ZP3: variants seen among roughly 807,000 people sequenced by gnomAD.
ZP3 encodes the protein zona pellucida glycoprotein 3.
In ZP3, 21 loss-of-function variants were observed where a neutral mutation model predicts 35.6. That is an observed-to-expected ratio of 0.59 (90% CI 0.42 to 0.85). The LOEUF is 0.85. ZP3 is among the 40% of genes least tolerant of loss of function. The probability of loss-of-function intolerance (pLI) is 0.00; values close to 1 mark genes in which losing one functional copy is unlikely to be tolerated. For synonymous variants in ZP3, 207 were observed against 214.5 expected (o/e 0.96, Z 0.31); for missense variants, 437 against 536.5 (o/e 0.81, Z 1.83).
chr7:76,405,148 G>GGCT (rs1804957993), intron 1 of ZP3, among the ~76,000 whole-genome samples: 1 of 143,946 alleles, frequency 6.9e-6, no homozygotes, highest in Non-Finnish European at 1.5e-5. Context: ...TCTGTGGCCA[G>GGCT]GCTGGAGTGT....
chr7:76,400,872 G>C (rs1804801577), intron 1 of ZP3: 1 of 1,262,336 alleles, frequency 7.9e-7, no homozygotes, highest in African/African-American at 1.5e-5. Context: ...AAAATGGGGA[G>C]ACTACAGCTC....
chr7:76,424,049 C>G (rs1488226239), upstream of ZP3, among the ~76,000 whole-genome samples: 1 of 152,020 alleles, frequency 6.6e-6, no homozygotes, highest in Non-Finnish European at 1.5e-5. Flanking sequence ...AGGCAGAGAC[C>G]CATGAAATTC....
intron 1 of ZP3, among the ~76,000 whole-genome samples, chr7:76,412,310 T>C (rs1269826199): frequency 6.6e-6 from 1 of 152,090 alleles, no homozygotes; most frequent in Non-Finnish European, 1.5e-5. Flanking sequence ...GCTCACACAT[T>C]GTATGATTCC....
At chr7:76,428,129 C>T (rs544904743) in intron 1 of ZP3, among the ~76,000 whole-genome samples, 49 of 150,548 alleles carry the variant, frequency 3.3e-4, no homozygotes, top group African/African-American at 1.2e-3. Flanking sequence ...AGTTCGAGAC[C>T]AGCCTGGCTA....
intron 1 of ZP3, among the ~76,000 whole-genome samples, chr7:76,416,159 T>G (rs558019929): frequency 6.7e-6 from 1 of 148,896 alleles, no homozygotes; most frequent in African/African-American, 2.5e-5. Context: ...CTGGGTGCAG[T>G]GGCTCAGCCT....
Position 76,429,582 on chromosome 7 carries a change from C to T in ZP3, c.380C>T (p.Ser127Phe). 1.9e-6 allele frequency: 3 copies of T among 1,614,110 alleles called. No homozygotes were observed. The highest frequency in any genetic ancestry group is 2.5e-6 in the Non-Finnish European group (3 of 1,179,980). The change falls in exon 2 of 8, where the codon TCC becomes TTC. Residue 127 changes from serine to phenylalanine, a missense_variant. By Grantham distance (155) the Ser-to-Phe change is radical (BLOSUM62 -2). This residue lies in a region of ZP3 where 352 missense variants were observed against 308.4 expected (regional missense o/e 1.14). Transcript: ENST00000394857. ...GACCCCCGCCCCGTGGGAAACCTGT[C>T]CATCGTGAGGACTAACCGCGCAGAG... ...LHDPRPVGNL[S>F]IVRTNRAEIP...
chr7:76,400,995 G>A (rs1338381243), intron 1 of ZP3: 1 of 1,551,018 alleles, frequency 6.4e-7, no homozygotes, highest in Admixed American at 2.0e-5. Context: ...GAAGGGCGGG[G>A]TGGGGCACCT....
At chr7:76,434,935 A>AG (rs1250203022) in intron 5 of ZP3, among the ~76,000 whole-genome samples, 1 of 151,830 alleles carries the variant, frequency 6.6e-6, no homozygotes, top group Admixed American at 6.6e-5. Context: ...TGACACTAAG[A>AG]GGGAAGGAGA....
chr7:76,404,298 A>C (rs774635093), intron 1 of ZP3: 1 of 1,585,276 alleles, frequency 6.3e-7, no homozygotes, highest in Non-Finnish European at 8.6e-7. Context: ...CTAACAGGGG[A>C]GGACTCACCC....
At chr7:76,423,169 GAGAGAGAGGGAGAGAGAGGGAA>G (rs931344540), upstream of ZP3, among the ~76,000 whole-genome samples, 23 of 151,008 alleles carry the variant, frequency 1.5e-4, no homozygotes, top group Non-Finnish European at 3.0e-4. Flanking sequence ...GGCAGCATGA[GAGAGAGAGGGAGAGAGAGGGAA>G]AGAGAGAGGG....
intron 2 of ZP3, 62 bp from the exon 3 acceptor site, chr7:76,432,865 C>T: frequency 2.8e-6 from 4 of 1,420,214 alleles, no homozygotes; most frequent in Non-Finnish European, 3.0e-6. Context: ...TACTCCCCAT[C>T]AGTGGGGGCC....
upstream of ZP3, among the ~76,000 whole-genome samples, chr7:76,423,900 C>T (rs1434461792): frequency 6.6e-6 from 1 of 151,982 alleles, no homozygotes; most frequent in East Asian, 1.9e-4. Context: ...GAGCTGAAGC[C>T]AAGCCCCGCT....
intron 1 of ZP3, among the ~76,000 whole-genome samples, chr7:76,413,006 A>G (rs1043126863): frequency 8.8e-6 from 1 of 113,308 alleles, no homozygotes; most frequent in African/African-American, 3.3e-5. Context: ...TCTGTTGCCC[A>G]GGCTGGAGTG....
At chr7:76,399,105 T>G (rs976774770) in intron 1 of ZP3, among the ~76,000 whole-genome samples, 7 of 151,914 alleles carry the variant, frequency 4.6e-5, no homozygotes, top group African/African-American at 1.7e-4. Flanking sequence ...TCCGCCTCCC[T>G]GGTTAAAGCA....
rs760008906 is a variant in ZP3, at chr7:76,433,496, C to T, written c.562C>T (p.Pro188Ser). The T allele has an allele frequency of 1.4e-5, 22 of 1,613,850 alleles. No homozygotes were observed. In the East Asian group the frequency reaches 4.9e-4, roughly 36 times the overall value. The change falls in exon 4 of 8, where the codon CCC (proline) becomes TCC (serine). Residue 188 changes from proline to serine, a missense_variant. Around this residue, in one of 6 missense-constraint regions of ZP3, gnomAD observed 352 missense variants for 308.4 expected, o/e 1.14. Transcript: ENST00000394857. ...GAACTGGAACGCTGAGAAGAGGTCC[C>T]CCACCTTCCACCTGGGAGATGCAGC... ...EENWNAEKRS[P>S]TFHLGDAAHL...
At chr7:76,400,377 G>A (rs768861095) in intron 1 of ZP3, 33 of 1,591,146 alleles carry the variant, frequency 2.1e-5, no homozygotes, top group South Asian at 1.2e-4. Flanking sequence ...CTTCCTGCCC[G>A]CGGCACTCCA....
intron 1 of ZP3, chr7:76,400,631 T>A: frequency 7.0e-7 from 1 of 1,424,204 alleles, no homozygotes; most frequent in Non-Finnish European, 9.2e-7. Context: ...GGTCACTGAG[T>A]CCAACCTCCA....
upstream of ZP3, among the ~76,000 whole-genome samples, chr7:76,423,314 G>T (rs1006444060): frequency 2.6e-5 from 4 of 152,118 alleles, no homozygotes; most frequent in Non-Finnish European, 5.9e-5. Context: ...ATTAGGCAAA[G>T]CATGGGAATT....
In ZP3 at chr7:76,425,056, G is replaced by T. The variant is rs749309704; in HGVS notation, c.92G>T (p.Gly31Val). The T allele has an allele frequency of 1.2e-6, 2 of 1,611,126 alleles. No homozygotes were observed. The highest frequency in any genetic ancestry group is 3.4e-5 in the Admixed American group (2 of 59,480). The change falls in exon 1 of 8, where the codon GGA (glycine) becomes GTA (valine). Residue 31 changes from glycine to valine, a missense_variant. Physicochemically the swap from Gly to Val is moderately radical, Grantham distance 109. Coordinates refer to ENST00000394857, the MANE Select transcript of ZP3 (RefSeq NM_001110354.2). ...YPQPLWLLQG[G>V]ASHPETSVQP... Reference sequence around the variant, plus strand: ...CAACCCCTCTGGCTCTTGCAGGGTGGAGCCAGCCATCCTGAGACGTCCGTA... The same window carrying T: ...CAACCCCTCTGGCTCTTGCAGGGTGTAGCCAGCCATCCTGAGACGTCCGTA...
Sources: allele counts gnomAD v4.1 joint callset (sites outside exome capture counted in the v4.1 genomes callset), GRCh38; gene constraint gnomAD v4.1.1; regional missense constraint gnomAD v4.1.1; transcripts MANE v1.5; gene names NCBI Gene and HGNC (gene_info 2026-07-23, HGNC 2026-07-21).